Variants in PPP1R16B observed in about 807,000 individuals in gnomAD.
PPP1R16B encodes the protein protein phosphatase 1 regulatory inhibitor subunit 16B.
PPP1R16B carries 14 observed loss-of-function variants against 61.7 expected under a neutral mutation model. The ratio of observed to expected loss-of-function variants is 0.23; its 90% CI spans 0.15 to 0.35. The LOEUF (loss-of-function observed/expected upper bound fraction) is 0.35, where lower values mean the gene tolerates loss of function less well. PPP1R16B is among the 10% of genes least tolerant of loss of function. PPP1R16B has a pLI of 1.00. For synonymous variants in PPP1R16B, 266 were observed against 305.3 expected, an observed-to-expected ratio of 0.87 and a Z score of 1.34; for missense variants, 547 against 752.5, an observed-to-expected ratio of 0.73 and a Z score of 3.19.
Position 38,814,423 on chromosome 20 carries a change from A to G in PPP1R16B, c.-102+8631A>G, listed in dbSNP as rs75683721. Among the ~76,000 whole-genome samples, 430 of 152,270 alleles carry G rather than the reference A, an allele frequency of 2.8e-3. 19 individuals carry two copies. In the East Asian group the frequency reaches 0.078, roughly 28 times the overall value. On this transcript the variant is annotated intron_variant, in intron 1 of 10. Coordinates refer to ENST00000299824, the MANE Select transcript of PPP1R16B (RefSeq NM_015568.4). ...GATTCCTACCTCCAGCACCTACTGCAACCTTGAGTAAGTTACATGTGTGTA... is the reference window on the plus strand; with the variant it reads ...GATTCCTACCTCCAGCACCTACTGCGACCTTGAGTAAGTTACATGTGTGTA...
In PPP1R16B at chr20:38,921,343, C is replaced by T. The variant is rs2085596178; in HGVS notation, c.*2677C>T. 6.6e-6 allele frequency: 1 copy of T among 152,254 alleles called. No homozygotes were observed. The highest frequency in any genetic ancestry group is 1.5e-5 in the Non-Finnish European group (1 of 68,050). 9.4% of individuals were successfully genotyped at this position (152,254 alleles called of 1,614,324 possible). ...CACGTAATTTACTGAGTAGCTGCAA[C>T]ATGCCAGCCTCTACGTTAGGTTCTG... On this transcript the variant is annotated 3_prime_UTR_variant, in exon 11 of 11. Coordinates refer to ENST00000299824, the MANE Select transcript of PPP1R16B (RefSeq NM_015568.4).
intron 1 of PPP1R16B, among the ~76,000 whole-genome samples, chr20:38,820,093 G>A (rs530178526): frequency 1.3e-5 from 2 of 152,286 alleles, no homozygotes; most frequent in South Asian, 4.1e-4. Flanking sequence ...CATCCATATT[G>A]TTGAGTGTAA....
intron 5 of PPP1R16B, among the ~76,000 whole-genome samples, chr20:38,901,013 A>T (rs953227527): frequency 6.6e-6 from 1 of 152,272 alleles, no homozygotes; most frequent in South Asian, 2.1e-4. Flanking sequence ...ATATATTCCT[A>T]TGTGGGACAA....
chr20:38,894,927 A>G (rs1056789535), intron 3 of PPP1R16B, among the ~76,000 whole-genome samples: 1 of 152,148 alleles, frequency 6.6e-6, no homozygotes, highest in Non-Finnish European at 1.5e-5. Flanking sequence ...GAACACAAAC[A>G]TGGCTGTCTC....
intron 2 of PPP1R16B, among the ~76,000 whole-genome samples, chr20:38,869,783 G>A (rs2085114421): frequency 6.6e-6 from 1 of 151,988 alleles, no homozygotes; most frequent in African/African-American, 2.4e-5. Flanking sequence ...ATATATTAAA[G>A]GGGAAGATAG....
intron 2 of PPP1R16B, among the ~76,000 whole-genome samples, chr20:38,845,540 C>A (rs191754566): frequency 1.2e-4 from 18 of 152,298 alleles, no homozygotes. Context: ...TAGTCATCTG[C>A]TAGAGCTGTG....
intron 1 of PPP1R16B, among the ~76,000 whole-genome samples, chr20:38,819,731 C>T (rs1329057901): frequency 2.6e-5 from 4 of 151,802 alleles, no homozygotes; most frequent in African/African-American, 7.3e-5. Flanking sequence ...TTTCTGGCTG[C>T]GTTCCAGACC....
chr20:38,911,555 G>C (rs555579548), intron 10 of PPP1R16B, among the ~76,000 whole-genome samples: 3 of 140,728 alleles, frequency 2.1e-5, no homozygotes, highest in Non-Finnish European at 4.6e-5. Context: ...TTTTTAAATT[G>C]AGACAGAGTC....
chr20:38,855,907 C>CATATATAT (rs371138532), intron 2 of PPP1R16B, among the ~76,000 whole-genome samples: 190 of 17,776 alleles, frequency 0.011, 13 homozygotes, highest in African/African-American at 0.012. Context: ...CAGTTTCCTA[C>CATATATAT]ATATATATAT....
At chr20:38,824,745 C>T (rs780473801) in intron 1 of PPP1R16B, among the ~76,000 whole-genome samples, 17 of 152,218 alleles carry the variant, frequency 1.1e-4, no homozygotes, top group Non-Finnish European at 1.6e-4. Flanking sequence ...AATTCCCATC[C>T]CAGGCTGGGC....
chr20:38,899,858 G>A (rs891575891), intron 4 of PPP1R16B, among the ~76,000 whole-genome samples: 6 of 151,470 alleles, frequency 4.0e-5, no homozygotes, highest in South Asian at 2.1e-4. Flanking sequence ...GTGCAGTGGC[G>A]TGATCTTGGC....
At chr20:38,823,087 G>A (rs2084782802) in intron 1 of PPP1R16B, among the ~76,000 whole-genome samples, 1 of 152,174 alleles carries the variant, frequency 6.6e-6, no homozygotes, top group Non-Finnish European at 1.5e-5. Context: ...TTTGGCTGGA[G>A]ATCAAAGAGG....
chr20:38,809,985 G>GAAAAAAAAAAAAAAA, intron 1 of PPP1R16B, among the ~76,000 whole-genome samples: 1 of 80,134 alleles, frequency 1.2e-5, no homozygotes, highest in African/African-American at 4.7e-5. Context: ...ACCTTGTTTC[G>GAAAAAAAAAAAAAAA]AAAAAAAAAA....
At chr20:38,852,842 C>T (rs1263967499) in intron 2 of PPP1R16B, among the ~76,000 whole-genome samples, 1 of 143,796 alleles carries the variant, frequency 7.0e-6, no homozygotes, top group East Asian at 2.1e-4. Context: ...GGCATGATCT[C>T]GGCTCACTGC....
intron 2 of PPP1R16B, among the ~76,000 whole-genome samples, chr20:38,859,055 T>C (rs1456483453): frequency 6.6e-6 from 1 of 152,160 alleles, no homozygotes; most frequent in Admixed American, 6.5e-5. Context: ...CGCCAGTTTC[T>C]TGAGACCTTG....
rs1459564516 is a variant in PPP1R16B at position 38,919,432 on chromosome 20, A to G, written c.*766A>G. Reference sequence around the variant, plus strand: ...CCAGGCAATTTCGTTCCTGGAATCAACCAAATCATGTTTTCCTCTTGGATG... The same window carrying G: ...CCAGGCAATTTCGTTCCTGGAATCAGCCAAATCATGTTTTCCTCTTGGATG... On this transcript the variant is annotated 3_prime_UTR_variant, in exon 11 of 11. Transcript: ENST00000299824. The G allele has an allele frequency of 6.6e-6, 1 of 152,250 alleles. No homozygotes were observed. 9.4% of individuals were successfully genotyped at this position (152,250 alleles called of 1,614,324 possible). A position where few individuals can be genotyped will look rare whatever the true frequency, so the allele number is the denominator to read the frequency against.
chr20:38,867,297 G>C (rs1483073700), intron 2 of PPP1R16B, among the ~76,000 whole-genome samples: 1 of 152,192 alleles, frequency 6.6e-6, no homozygotes, highest in Non-Finnish European at 1.5e-5. Context: ...ACGAGGTGGG[G>C]AGTGATTCTG....
In PPP1R16B at chr20:38,907,110, G is replaced by GT; in HGVS notation, c.898+56_898+57insT. The GT allele has an allele frequency of 7.3e-7, 1 of 1,362,812 alleles. No individual in the cohort carries two copies. The highest frequency in any genetic ancestry group is 1.1e-6 in the Non-Finnish European group (1 of 951,590). 84.4% of individuals were successfully genotyped at this position (1,362,812 alleles called of 1,614,324 possible). ...AATAGGCAGTTATCAATGTTTTGAT[G>GT]GGTAGAGGGAGAAATAGATAAATAT... On this transcript the variant is annotated intron_variant, in intron 8 of 10. Coordinates refer to ENST00000299824, the MANE Select transcript of PPP1R16B (RefSeq NM_015568.4). This position sits in a 1 kb window ranked among gnomAD's most constrained non-coding sequence, Gnocchi z 4.5.
intron 1 of PPP1R16B, among the ~76,000 whole-genome samples, chr20:38,818,296 G>C (rs1453842738): frequency 6.6e-6 from 1 of 152,200 alleles, no homozygotes; most frequent in Non-Finnish European, 1.5e-5. Context: ...ACACAGTAGA[G>C]TCTCAGCAAA....
Sources: gnomAD v4.1 joint callset for allele counts (sites outside exome capture counted in the v4.1 genomes callset) on GRCh38, gnomAD v4.1.1 for gene constraint, Gnocchi (gnomAD v3.1) non-coding constraint, MANE v1.5 for transcripts, NCBI Gene and HGNC (gene_info 2026-07-23, HGNC 2026-07-21) for gene names.